SESN3: variants seen among roughly 807,000 people sequenced by gnomAD.
SESN3 encodes sestrin 3.
In SESN3, 21 loss-of-function variants were observed where a neutral mutation model predicts 55.3. The ratio of observed to expected loss-of-function variants is 0.38; its 90% CI spans 0.27 to 0.55. The LOEUF is 0.55. Among genes scored for constraint, SESN3 ranks in the 20% least tolerant of loss-of-function variants. The pLI is 0.76. For synonymous variants in SESN3, 181 were observed against 203.1 expected, an observed-to-expected ratio of 0.89 and a Z score of 0.93; for missense variants, 408 against 604.3, an observed-to-expected ratio of 0.68 and a Z score of 3.41.
Position 95,210,101 on chromosome 11 carries a change from G to A in SESN3, c.79-16579C>T, listed in dbSNP as rs187063996. On this transcript the variant is annotated intron_variant, in intron 1 of 9. Coordinates refer to ENST00000536441, the MANE Select transcript of SESN3 (RefSeq NM_144665.4). Reference sequence around the variant, plus strand: ...ATGAAGCTGGAAACCATCATTCTCAGCAAACTAACACAGAAACAGAAAACC... The same window carrying A: ...ATGAAGCTGGAAACCATCATTCTCAACAAACTAACACAGAAACAGAAAACC... Among the ~76,000 whole-genome samples the A allele has an allele frequency of 1.8e-4, 27 of 150,830 alleles. No individual in the cohort carries two copies. In the East Asian group the frequency reaches 4.9e-3, roughly 27 times the overall value.
chr11:95,196,318 G>A (rs964760490), intron 1 of SESN3, among the ~76,000 whole-genome samples: 2 of 152,134 alleles, frequency 1.3e-5, no homozygotes, highest in Admixed American at 6.6e-5. Flanking sequence ...TTTTAAAAAT[G>A]ATCACAGTTC....
chr11:95,204,199 T>A (rs1280049573), intron 1 of SESN3, among the ~76,000 whole-genome samples: 1 of 152,150 alleles, frequency 6.6e-6, no homozygotes, highest in African/African-American at 2.4e-5. Flanking sequence ...TTAAATTTGG[T>A]CATGGGTTTA....
At chr11:95,203,792 A>G (rs1179678323) in intron 1 of SESN3, 1 of 152,136 alleles carries the variant, frequency 6.6e-6, no homozygotes, top group African/African-American at 2.4e-5. Flanking sequence ...AAAATTATTG[A>G]CCCCTCTGCT....
At chr11:95,191,671 T>C in intron 2 of SESN3, 70 bp from the exon 3 acceptor site, 1 of 1,147,664 alleles carries the variant, frequency 8.7e-7, no homozygotes, top group Non-Finnish European at 1.3e-6. Flanking sequence ...AAATAAATTA[T>C]GCCACTATTG....
In SESN3 at chr11:95,178,761, A is replaced by G. The variant is rs1279644240; in HGVS notation, c.1005T>C (p.Tyr335=). ...SRYIEDPGFG[Y]EDFARRGEEH... ...CTTCTCCTCGTCTGGCAAAGTCTTC[A>G]TACCCAAAACCAGGGTCTTCAATAT... The change falls in exon 7 of 10, where the codon TAT becomes TAC. Residue 335 remains tyrosine (Y), a synonymous_variant. Coordinates refer to ENST00000536441, the MANE Select transcript of SESN3 (RefSeq NM_144665.4). The G allele has an allele frequency of 3.1e-6, 5 of 1,613,404 alleles. No individual in the cohort carries two copies. The highest frequency in any genetic ancestry group is 2.2e-5 in the South Asian group (2 of 91,072).
chr11:95,205,758 C>T (rs1045633929), intron 1 of SESN3, among the ~76,000 whole-genome samples: 5 of 152,160 alleles, frequency 3.3e-5, no homozygotes, highest in African/African-American at 1.2e-4. Flanking sequence ...TTTTATTATA[C>T]ATTACACTCT....
At chr11:95,216,097 C>CAA (rs1216457587) in intron 1 of SESN3, among the ~76,000 whole-genome samples, 4 of 51,360 alleles carry the variant, frequency 7.8e-5, no homozygotes, top group Admixed American at 2.0e-4. Flanking sequence ...GACTCCATCT[C>CAA]AAAAAAAAAA....
intron 4 of SESN3, among the ~76,000 whole-genome samples, chr11:95,185,895 T>G (rs1458848993): frequency 6.6e-6 from 1 of 151,960 alleles, no homozygotes; most frequent in Admixed American, 6.6e-5. Flanking sequence ...AAACCCCAAT[T>G]CAGCAAGTCA....
rs1861040839 is a variant in SESN3, at chr11:95,230,707, G to T, written c.78+76C>A. Reference sequence around the variant, plus strand: ...TCCCTCTCAGCCTCCCCCAGTGCGCGCCCGGGGACGAGCCGCCCGAGCCCC... The same window carrying T: ...TCCCTCTCAGCCTCCCCCAGTGCGCTCCCGGGGACGAGCCGCCCGAGCCCC... On this transcript the variant is annotated intron_variant, in intron 1 of 9. Coordinates refer to ENST00000536441, the MANE Select transcript of SESN3 (RefSeq NM_144665.4). The surrounding 1 kb of genome is among the most constrained non-coding windows in gnomAD (Gnocchi z 4.6). 5 of 1,114,824 alleles carry T rather than the reference G, an allele frequency of 4.5e-6. No homozygotes were observed. The highest frequency in any genetic ancestry group is 2.6e-5 in the South Asian group (2 of 76,376). The allele number at this position is 1,114,824 out of a possible 1,614,324, so 69.1% of individuals were successfully genotyped here. A position where few individuals can be genotyped will look rare whatever the true frequency, so the allele number is the denominator to read the frequency against.
Position 95,178,734 on chromosome 11 carries a change from C to T in SESN3, c.1032G>A (p.Glu344=). 1 of 1,609,142 alleles carries T rather than the reference C, an allele frequency of 6.2e-7. No individual in the cohort carries two copies. The highest frequency in any genetic ancestry group is 1.7e-5 in the Admixed American group (1 of 60,008). ...CCTGAGCTCGGAATGTTGGCAAATG[C>T]TCTTCTCCTCGTCTGGCAAAGTCTT... ...GYEDFARRGE[E]HLPTFRAQDY... Residue 344 remains glutamate, a synonymous_variant, in exon 7 of 10, where the codon GAG becomes GAA. Coordinates refer to ENST00000536441, the MANE Select transcript of SESN3 (RefSeq NM_144665.4).
In SESN3 at chr11:95,230,724, C is replaced by T; in HGVS notation, c.78+59G>A. 7.2e-7 allele frequency: 1 copy of T among 1,385,118 alleles called. No homozygotes were observed. The highest frequency in any genetic ancestry group is 1.0e-6 in the Non-Finnish European group (1 of 992,048). The allele number at this position is 1,385,118 out of a possible 1,614,324, so 85.8% of individuals were successfully genotyped here. On this transcript the variant is annotated intron_variant, in intron 1 of 9. Transcript: ENST00000536441. The surrounding 1 kb of genome is among the most constrained non-coding windows in gnomAD (Gnocchi z 4.6). ...CAGTGCGCGCCCGGGGACGAGCCGC[C>T]CGAGCCCCGGCCGGCAGGAAGCGAC...
chr11:95,199,973 A>C (rs1481621222), intron 1 of SESN3, among the ~76,000 whole-genome samples: 1 of 152,092 alleles, frequency 6.6e-6, no homozygotes, highest in Non-Finnish European at 1.5e-5. Flanking sequence ...AATGGTGCCA[A>C]CATTCTTTTT....
At chr11:95,191,965 C>T (rs75702820) in intron 2 of SESN3, among the ~76,000 whole-genome samples, 183 of 152,174 alleles carry the variant, frequency 1.2e-3, no homozygotes, top group African/African-American at 4.2e-3. Context: ...CATCTGATTA[C>T]ATACATTTAC....
Position 95,177,774 on chromosome 11 carries a change from T to A in SESN3, c.1192A>T (p.Thr398Ser). 1 of 1,612,804 alleles carries A rather than the reference T, an allele frequency of 6.2e-7. No individual in the cohort carries two copies. The highest frequency in any genetic ancestry group is 8.5e-7 in the Non-Finnish European group (1 of 1,179,554). ...AATAAAGCTCTGCGCAGCATGGTTG[T>A]GTCAACATCCTCATGGGTGGCCATA... ...NTMATHEDVDTTMLRRALFNY... is the reference protein window; with the variant it reads ...NTMATHEDVDSTMLRRALFNY... The change falls in exon 8 of 10, where the codon ACA (threonine) becomes TCA (serine). Residue 398 changes from threonine (T) to serine (S), a missense_variant. By Grantham distance (58) the Thr-to-Ser change is moderately conservative. Coordinates refer to ENST00000536441, the MANE Select transcript of SESN3 (RefSeq NM_144665.4).
chr11:95,187,161 TG>T (rs1215501554), intron 4 of SESN3, among the ~76,000 whole-genome samples: 1 of 151,998 alleles, frequency 6.6e-6, no homozygotes, highest in African/African-American at 2.4e-5. Context: ...AAATTTGTTT[TG>T]TTTATTTGCT....
chr11:95,220,296 G>A (rs1860835461), intron 1 of SESN3, among the ~76,000 whole-genome samples: 2 of 152,148 alleles, frequency 1.3e-5, no homozygotes, highest in Admixed American at 6.5e-5. Flanking sequence ...TTTCTTAGAG[G>A]TCCAATTCGC....
chr11:95,186,429 G>C (rs952256922), intron 4 of SESN3, among the ~76,000 whole-genome samples: 1 of 151,794 alleles, frequency 6.6e-6, no homozygotes, highest in African/African-American at 2.4e-5. Context: ...CAAAAGCTCA[G>C]GGAAAAGAAA....
At chr11:95,199,075 C>T (rs1860415658) in intron 1 of SESN3, among the ~76,000 whole-genome samples, 1 of 151,608 alleles carries the variant, frequency 6.6e-6, no homozygotes, top group Non-Finnish European at 1.5e-5. Flanking sequence ...AAATCACTAA[C>T]TAAAAAGAAT....
intron 6 of SESN3, among the ~76,000 whole-genome samples, chr11:95,180,738 T>C (rs933309306): frequency 2.6e-5 from 4 of 152,156 alleles, no homozygotes; most frequent in Non-Finnish European, 5.9e-5. Flanking sequence ...AATGCTTAAA[T>C]TGATCTGAAG....
Sources: allele counts gnomAD v4.1 joint callset (sites outside exome capture counted in the v4.1 genomes callset), GRCh38; gene constraint gnomAD v4.1.1; non-coding constraint Gnocchi (gnomAD v3.1); transcripts MANE v1.5; gene names NCBI Gene and HGNC (gene_info 2026-07-23, HGNC 2026-07-21).